RAB3GAP2: variants seen among roughly 807,000 people sequenced by gnomAD.
The protein encoded by RAB3GAP2 is rab3 GTPase-activating protein non-catalytic subunit.
A neutral mutation model predicts 185.3 loss-of-function variants in RAB3GAP2; 87 were observed. The observed-to-expected ratio is 0.47, with a 90% CI of 0.39 to 0.56. The LOEUF (loss-of-function observed/expected upper bound fraction) is 0.56. RAB3GAP2 is among the 20% of genes least tolerant of loss of function. The pLI is 0.00. For synonymous variants in RAB3GAP2, 554 were observed against 576.1 expected (o/e 0.96, Z 0.55); for missense variants, 1,492 against 1,638.2 (o/e 0.91, Z 1.54).
chr1:220,209,804 A>G (rs554713669), intron 7 of RAB3GAP2, among the ~76,000 whole-genome samples: 2 of 152,358 alleles, frequency 1.3e-5, no homozygotes, highest in East Asian at 1.9e-4. Flanking sequence ...AAATAAAAGC[A>G]TATTGGTTTA....
At chr1:220,183,858 A>G (rs1478690329) in intron 19 of RAB3GAP2, among the ~76,000 whole-genome samples, 178 bp downstream of exon 19, 1 of 152,180 alleles carries the variant, frequency 6.6e-6, no homozygotes, top group Non-Finnish European at 1.5e-5. Context: ...CAGCACTTGT[A>G]TAAATAATAT....
intron 2 of RAB3GAP2, among the ~76,000 whole-genome samples, chr1:220,214,317 G>A (rs2102882300): frequency 6.6e-6 from 1 of 152,302 alleles, no homozygotes; most frequent in Admixed American, 6.5e-5. Context: ...CAGGAGGTCA[G>A]GAGTTTGAGG....
chr1:220,221,667 G>A (rs17007186), intron 2 of RAB3GAP2, among the ~76,000 whole-genome samples: 9,206 of 152,184 alleles, frequency 0.06, 397 homozygotes, highest in East Asian at 0.26. Context: ...AAATACAGAA[G>A]CCACTAATGT....
Position 220,212,894 on chromosome 1 carries a change from C to A in RAB3GAP2, c.379G>T (p.Glu127Ter). ...AVGWSGSLNV[E>*]EGECVTSALC... is the part of the protein sequence containing the mutation. The stretch of plus-strand genomic sequence containing the variant: ...AAATTAACTGGCACCTACCCTTCTT[C>A]GACATTTAAGGAACCACTCCAGCCA... Residue 127 changes from glutamate to a stop codon, truncating the protein, a stop_gained, in exon 4 of 35, where the codon GAA becomes TAA. Transcript: ENST00000358951. LOFTEE classifies it high-confidence loss of function. 1.9e-6 allele frequency: 3 copies of A among 1,612,104 alleles called. No homozygotes were observed. The highest frequency in any genetic ancestry group is 2.5e-6 in the Non-Finnish European group (3 of 1,178,312).
chr1:220,154,673 A>G (rs1657824354), intron 31 of RAB3GAP2, among the ~76,000 whole-genome samples: 1 of 149,894 alleles, frequency 6.7e-6, no homozygotes, highest in African/African-American at 2.5e-5. Context: ...TTTTGGGATG[A>G]TTTACTCCGC....
chr1:220,221,395 T>A (rs1211250281), intron 2 of RAB3GAP2, among the ~76,000 whole-genome samples: 1 of 152,228 alleles, frequency 6.6e-6, no homozygotes, highest in East Asian at 1.9e-4. Context: ...ATTAAAGCAA[T>A]CAGAACACCT....
At chr1:220,179,528 T>C (rs983565061) in intron 21 of RAB3GAP2, among the ~76,000 whole-genome samples, 6 of 152,150 alleles carry the variant, frequency 3.9e-5, no homozygotes, top group Admixed American at 3.9e-4. Flanking sequence ...ATGGACCTAA[T>C]AGACATTTAT....
At chr1:220,244,593 G>A (rs1405278255) in intron 1 of RAB3GAP2, among the ~76,000 whole-genome samples, 4 of 152,072 alleles carry the variant, frequency 2.6e-5, no homozygotes, top group Non-Finnish European at 4.4e-5. Flanking sequence ...AGCCCGCATA[G>A]CCAAAGCAAG....
Position 220,185,680 on chromosome 1 carries a change from TGA to T in RAB3GAP2, c.1839_1840del (p.Gln614AspfsTer12), listed in dbSNP as rs1312804104. 6.2e-7 allele frequency: 1 copy of T among 1,612,238 alleles called. No homozygotes were observed. Among genetic ancestry groups the T allele is most frequent in the Admixed American group, 1.7e-5 (1 of 59,958 alleles). On this transcript the variant is annotated frameshift_variant, in exon 18 of 35. Transcript: ENST00000358951. LOFTEE classifies it high-confidence loss of function. ...ACTTTTTAAAGTGTCCATTAAAGTC[TGA>T]GTGATGTTTCTAAGGCAAGAAAATG...
chr1:220,234,069 C>T (rs1659550251), intron 1 of RAB3GAP2, among the ~76,000 whole-genome samples: 1 of 152,158 alleles, frequency 6.6e-6, no homozygotes, highest in Non-Finnish European at 1.5e-5. Context: ...GTCTCTGTGA[C>T]CTAGTGCAAA....
intron 2 of RAB3GAP2, among the ~76,000 whole-genome samples, chr1:220,214,946 T>TTTTATATA (rs1491243072): frequency 1.1e-5 from 1 of 89,620 alleles, no homozygotes; most frequent in African/African-American, 4.8e-5. Flanking sequence ...AATAGTAGCA[T>TTTTATATA]TATATATATA....
At chr1:220,271,247 A>T (rs1220157843) in intron 1 of RAB3GAP2, 2 of 152,214 alleles carry the variant, frequency 1.3e-5, no homozygotes, top group Non-Finnish European at 2.9e-5. Context: ...TTTCTAAAAA[A>T]GGGAGAGGAG....
At chr1:220,208,090 A>C (rs1659004010) in intron 7 of RAB3GAP2, 1 of 152,184 alleles carries the variant, frequency 6.6e-6, no homozygotes, top group Non-Finnish European at 1.5e-5. Context: ...TCTTGATAAA[A>C]ATTTTGAGAT....
chr1:220,194,635 C>T (rs192104253), intron 12 of RAB3GAP2, among the ~76,000 whole-genome samples: 137 of 152,272 alleles, frequency 9.0e-4, no homozygotes, highest in African/African-American at 3.0e-3. Flanking sequence ...TCAAGTGATC[C>T]GCCTACCTAG....
chr1:220,242,091 C>T (rs1293577507), intron 1 of RAB3GAP2, among the ~76,000 whole-genome samples: 1 of 152,020 alleles, frequency 6.6e-6, no homozygotes, highest in Non-Finnish European at 1.5e-5. Flanking sequence ...CCTTCCTAAA[C>T]CAGCCTAATT....
intron 1 of RAB3GAP2, among the ~76,000 whole-genome samples, chr1:220,237,587 C>G (rs1659616474): frequency 6.6e-6 from 1 of 152,178 alleles, no homozygotes. Context: ...GCTCTACTCT[C>G]AGAGATTCTG....
At position 220,149,075 on chromosome 1, in the gene RAB3GAP2, C is replaced by G. The variant is rs370566079; in HGVS notation, c.*2176G>C. 32 of 152,234 alleles carry G rather than the reference C, an allele frequency of 2.1e-4. No individual in the cohort carries two copies. Among genetic ancestry groups the G allele is most frequent in the African/African-American group, 6.5e-4 (27 of 41,546 alleles). The allele number at this position is 152,234 out of a possible 1,614,324, so 9.4% of individuals were successfully genotyped here. The stretch of plus-strand genomic sequence containing the variant: ...CCCATTCTACATTAAAATCTAATTC[C>G]TTTATCATCTATGGCTCTTTGTTAT... On this transcript the variant is annotated 3_prime_UTR_variant, in exon 35 of 35. Coordinates refer to ENST00000358951, the MANE Select transcript of RAB3GAP2 (RefSeq NM_012414.4).
In RAB3GAP2 at chr1:220,158,106, A is replaced by T. The variant is rs1424370397; in HGVS notation, c.3262-230T>A. On this transcript the variant is annotated intron_variant, in intron 29 of 34. Transcript: ENST00000358951. The surrounding 1 kb of genome is among the most constrained non-coding windows in gnomAD (Gnocchi z 4.3). ...CAAAGTGGTATAAATATTGACTTTT[A>T]AAAAGTAGTGTTCTTTGTGTATTGT... Among the ~76,000 whole-genome samples the T allele has an allele frequency of 6.6e-6, 1 of 152,216 alleles. No individual in the cohort carries two copies. Among genetic ancestry groups the T allele is most frequent in the Non-Finnish European group, 1.5e-5 (1 of 68,034 alleles).
chr1:220,189,591 GA>G, intron 17 of RAB3GAP2, 111 bp downstream of exon 17: 4 of 1,050,432 alleles, frequency 3.8e-6, no homozygotes, highest in Non-Finnish European at 5.2e-6. Context: ...ATAAAAATGT[GA>G]AAAGAAGACT....
Sources: allele counts gnomAD v4.1 joint callset (sites outside exome capture counted in the v4.1 genomes callset), GRCh38; gene constraint gnomAD v4.1.1; non-coding constraint Gnocchi (gnomAD v3.1); transcripts MANE v1.5; gene names NCBI Gene and HGNC (gene_info 2026-07-23, HGNC 2026-07-21).